The following SYTL5 variants were observed in gnomAD, a reference collection of about 807,000 sequenced individuals.
SYTL5 encodes synaptotagmin-like protein 5.
In SYTL5, 34 loss-of-function variants were observed where a neutral mutation model predicts 55.9. The ratio of observed to expected loss-of-function variants is 0.61; its 90% CI spans 0.46 to 0.81. SYTL5 has a LOEUF of 0.81. Among genes scored for constraint, SYTL5 ranks in the 30% least tolerant of loss-of-function variants. The pLI, the probability that SYTL5 is intolerant of heterozygous loss-of-function variation, is 0.00. For missense variants in SYTL5, 637 were observed against 546.7 expected (o/e 1.17, Z -1.65); for synonymous variants, 221 against 188.7 (o/e 1.17, Z -1.40).
intron 2 of SYTL5, among the ~76,000 whole-genome samples, chrX:38,041,141 A>G (rs1042784020): frequency 8.9e-6 from 1 of 111,746 alleles, no homozygotes; most frequent in Admixed American, 9.5e-5. Flanking sequence ...TGCTAGGAGA[A>G]GAGAAGGAAG....
chrX:37,902,185 C>A, the SYTL5 span, among the ~76,000 whole-genome samples: 1 of 111,812 alleles, frequency 8.9e-6, no homozygotes, highest in African/African-American at 3.3e-5. Flanking sequence ...CCCAGGGCTT[C>A]CTCTCCAAGG....
At chrX:37,917,552 C>T in the SYTL5 span, among the ~76,000 whole-genome samples, 2 of 112,033 alleles carry the variant, frequency 1.8e-5, no homozygotes, top group Non-Finnish European at 3.8e-5. Context: ...GTCTATTCAT[C>T]TATCTCTTTC....
At chrX:37,890,236 C>T in the SYTL5 span, among the ~76,000 whole-genome samples, 7 of 110,930 alleles carry the variant, frequency 6.3e-5, no homozygotes, top group African/African-American at 2.3e-4. Context: ...ACCTCCATGA[C>T]CTACCAGGAG....
the SYTL5 span, among the ~76,000 whole-genome samples, chrX:37,917,132 A>G: frequency 0.014 from 1,606 of 111,237 alleles, 38 homozygotes; most frequent in African/African-American, 0.05. Flanking sequence ...GGTATATACT[A>G]TCAACATAAC....
chrX:37,986,785 T>C, the SYTL5 span, among the ~76,000 whole-genome samples: 1 of 112,096 alleles, frequency 8.9e-6, no homozygotes, highest in East Asian at 2.8e-4. Context: ...GATGAAGCTT[T>C]TTATCATTTG....
intron 3 of SYTL5, among the ~76,000 whole-genome samples, chrX:38,062,473 G>C (rs1040838225): frequency 7.2e-5 from 8 of 111,857 alleles, no homozygotes; most frequent in African/African-American, 2.6e-4. Context: ...AAAATACTGA[G>C]TGTTTATCAG....
At chrX:38,078,461 C>T (rs1027021093) in intron 6 of SYTL5, among the ~76,000 whole-genome samples, 1 of 110,059 alleles carries the variant, frequency 9.1e-6, no homozygotes, top group African/African-American at 3.3e-5. Flanking sequence ...GGAGTTTCAC[C>T]GTGTTAGCCA....
chrX:38,030,516 G>A (rs908765286), intron 1 of SYTL5, among the ~76,000 whole-genome samples: 7 of 111,667 alleles, frequency 6.3e-5, no homozygotes, highest in African/African-American at 1.6e-4. Context: ...TCTTATTACC[G>A]AACCAGGCCA....
At chrX:38,121,352 C>G (rs7066061) in intron 14 of SYTL5, among the ~76,000 whole-genome samples, 1,956 of 111,647 alleles carry the variant, frequency 0.018, 45 homozygotes, top group African/African-American at 0.06. Context: ...TTGCAGGCAG[C>G]CTCCTCTGTC....
the SYTL5 span, among the ~76,000 whole-genome samples, chrX:37,987,165 C>G: frequency 9.1e-4 from 102 of 111,961 alleles, no homozygotes; most frequent in Non-Finnish European, 1.6e-3. Flanking sequence ...CTCCATAACC[C>G]TATGTAAATT....
At chrX:38,060,570 T>C (rs146560388) in intron 3 of SYTL5, among the ~76,000 whole-genome samples, 16,034 of 111,189 alleles carry the variant, frequency 0.14, 1,014 homozygotes, top group African/African-American at 0.19. Context: ...AACAAACAAA[T>C]GAACAATTGA....
intron 1 of SYTL5, among the ~76,000 whole-genome samples, chrX:38,025,682 T>C (rs1203293995): frequency 8.9e-6 from 1 of 112,401 alleles, no homozygotes; most frequent in East Asian, 2.8e-4. Context: ...CCTCCTAATC[T>C]GACTAGTGTT....
At chrX:37,919,726 T>A in the SYTL5 span, among the ~76,000 whole-genome samples, 1 of 112,189 alleles carries the variant, frequency 8.9e-6, no homozygotes, top group Non-Finnish European at 1.9e-5. Flanking sequence ...CATGAAACCT[T>A]TATTTGTTCT....
chrX:38,051,561 T>C (rs1378924086), intron 2 of SYTL5, among the ~76,000 whole-genome samples: 4 of 111,783 alleles, frequency 3.6e-5, no homozygotes, highest in Non-Finnish European at 7.5e-5. Context: ...CTCAAATTCA[T>C]ACAGCACTTC....
chrX:37,946,180 T>C, the SYTL5 span: 2 of 115,891 alleles, frequency 1.7e-5, no homozygotes, highest in Non-Finnish European at 3.7e-5. Context: ...GTGCTTTAAA[T>C]TACTTCTCTT....
chrX:38,030,951 T>A lies in SYTL5; in HGVS notation c.-356-2583T>A, dbSNP rs1934934943. 2.7e-5 allele frequency among the ~76,000 whole-genome samples: 3 copies of A among 111,825 alleles called. No homozygotes were observed. In the Admixed American group the frequency reaches 2.8e-4, roughly 11 times the overall value. On this transcript the variant is annotated intron_variant, in intron 1 of 16. Coordinates refer to ENST00000297875, the MANE Select transcript of SYTL5 (RefSeq NM_138780.3). ...AGGTCAAGCTCTCAAGGAAATAAAA[T>A]AAGATGAGAGGGAAACTTTATCCAG...
At chrX:37,921,892 G>A in the SYTL5 span, among the ~76,000 whole-genome samples, 1 of 111,761 alleles carries the variant, frequency 8.9e-6, no homozygotes, top group Non-Finnish European at 1.9e-5. Flanking sequence ...TGTTTCTTTT[G>A]TTAATGAAAG....
At chrX:38,082,155 C>T (rs1451801642) in intron 6 of SYTL5, among the ~76,000 whole-genome samples, 1 of 112,020 alleles carries the variant, frequency 8.9e-6, no homozygotes, top group African/African-American at 3.2e-5. Flanking sequence ...ACCCATGCTT[C>T]ATTCCTGTGA....
chrX:38,014,879 A>T (rs1211245292), intron 1 of SYTL5, among the ~76,000 whole-genome samples: 2 of 112,312 alleles, frequency 1.8e-5, no homozygotes, highest in Non-Finnish European at 3.8e-5. Flanking sequence ...TTTGTCCACA[A>T]GAAATTTCCC....
Sources: gnomAD v4.1 joint callset for allele counts (sites outside exome capture counted in the v4.1 genomes callset) on GRCh38, gnomAD v4.1.1 for gene constraint, MANE v1.5 for transcripts, NCBI Gene and HGNC (gene_info 2026-07-23, HGNC 2026-07-21) for gene names.